The following TBC1D15 variants were observed in gnomAD, a reference collection of about 807,000 sequenced individuals.
The protein encoded by TBC1D15 is GAP for RAB7.
TBC1D15 carries 39 observed loss-of-function variants against 95.4 expected under a neutral mutation model. That is an observed-to-expected ratio of 0.41 (90% CI 0.32 to 0.53). The LOEUF (loss-of-function observed/expected upper bound fraction) is 0.53, where lower values mean the gene tolerates loss of function less well. Among genes scored for constraint, TBC1D15 ranks in the 20% least tolerant of loss-of-function variants. The pLI is 0.29. For missense variants in TBC1D15, 733 were observed against 794.3 expected, an observed-to-expected ratio of 0.92 and a Z score of 0.93; for synonymous variants, 258 against 261.3, an observed-to-expected ratio of 0.99 and a Z score of 0.12.
At chr12:71,856,400 G>A (rs556337640) in intron 1 of TBC1D15, among the ~76,000 whole-genome samples, 1 of 152,156 alleles carries the variant, frequency 6.6e-6, no homozygotes, top group African/African-American at 2.4e-5. Flanking sequence ...TGTTTTAGAT[G>A]CATGGTGCTG....
At chr12:71,917,620 T>A in intron 12 of TBC1D15, 78 bp from the exon 13 acceptor site, 1 of 963,302 alleles carries the variant, frequency 1.0e-6, no homozygotes, top group South Asian at 1.7e-5. Flanking sequence ...TCCTTAGACA[T>A]CATGTTTTAG....
At chr12:71,846,552 C>G (rs1886312825) in intron 1 of TBC1D15, among the ~76,000 whole-genome samples, 1 of 152,114 alleles carries the variant, frequency 6.6e-6, no homozygotes, top group Non-Finnish European at 1.5e-5. Flanking sequence ...AGTGGCAAGT[C>G]TTTGAATGCT....
Position 71,855,312 on chromosome 12 carries a change from C to T in TBC1D15, c.30+15501C>T, listed in dbSNP as rs79655873. Reference sequence around the variant, plus strand: ...GATTTGGGTGGGGATACAGTCAAACCGTATCATTTTGTGTTTATCACCAGT... The same window carrying T: ...GATTTGGGTGGGGATACAGTCAAACTGTATCATTTTGTGTTTATCACCAGT... On this transcript the variant is annotated intron_variant, in intron 1 of 16. Transcript: ENST00000485960. 6.7e-3 allele frequency among the ~76,000 whole-genome samples: 1,022 copies of T among 152,134 alleles called. 7 individuals are homozygous for T. Among genetic ancestry groups the T allele is most frequent in the African/African-American group, 0.017 (722 of 41,500 alleles).
chr12:71,900,326 C>G (rs1400078346), intron 10 of TBC1D15, among the ~76,000 whole-genome samples: 1 of 152,216 alleles, frequency 6.6e-6, no homozygotes, highest in Non-Finnish European at 1.5e-5. Context: ...TAAGAAGGCT[C>G]AGGAATCCCA....
intron 11 of TBC1D15, among the ~76,000 whole-genome samples, chr12:71,908,359 C>CT (rs1420417304): frequency 6.6e-6 from 1 of 152,150 alleles, no homozygotes; most frequent in Non-Finnish European, 1.5e-5. Context: ...AAATGTTTGA[C>CT]TTATCTGCTA....
At chr12:71,845,338 AAG>A (rs1215004739) in intron 1 of TBC1D15, among the ~76,000 whole-genome samples, 1 of 152,206 alleles carries the variant, frequency 6.6e-6, no homozygotes, top group East Asian at 1.9e-4. Flanking sequence ...AGATCAGAAG[AAG>A]AGAGATCAGA....
chr12:71,873,582 T>C (rs969877128), intron 3 of TBC1D15, among the ~76,000 whole-genome samples: 3 of 152,232 alleles, frequency 2.0e-5, no homozygotes, highest in Admixed American at 1.3e-4. Context: ...CTCTTGAGTA[T>C]ATACCTAGGA....
At chr12:71,884,692 T>G in intron 4 of TBC1D15, 119 bp from the exon 5 acceptor site, 1 of 735,130 alleles carries the variant, frequency 1.4e-6, no homozygotes, top group Non-Finnish European at 2.2e-6. Context: ...CATAATAATA[T>G]AAGTGCTATA....
At chr12:71,894,296 A>G (rs775202720) in intron 6 of TBC1D15, 2 of 1,608,240 alleles carry the variant, frequency 1.2e-6, no homozygotes, top group Admixed American at 1.7e-5. Context: ...GGTGGTACAC[A>G]CTTCAAGAAA....
intron 1 of TBC1D15, chr12:71,861,255 T>A: frequency 2.4e-6 from 1 of 410,426 alleles, no homozygotes; most frequent in Non-Finnish European, 4.3e-6. Flanking sequence ...CTCTTCAGTT[T>A]TCTGGAAGAG....
chr12:71,862,890 G>A lies in TBC1D15; in HGVS notation c.31-9180G>A, dbSNP rs185691137. Among the ~76,000 whole-genome samples, 3 of 152,184 alleles carry A rather than the reference G, an allele frequency of 2.0e-5. No homozygotes were observed. In the East Asian group the frequency reaches 5.8e-4, roughly 29 times the overall value. ...TTCCTTCCAGATATAGGACTCCTTT[G>A]AGCAGTTCTTATAAGGCCAGTCTAG... On this transcript the variant is annotated intron_variant, in intron 1 of 16. Coordinates refer to ENST00000485960, the MANE Select transcript of TBC1D15 (RefSeq NM_001146213.3).
At chr12:71,881,046 A>G (rs964492217) in intron 4 of TBC1D15, among the ~76,000 whole-genome samples, 3 of 152,110 alleles carry the variant, frequency 2.0e-5, no homozygotes, top group African/African-American at 7.2e-5. Flanking sequence ...TTGAGTGACT[A>G]TTCTCCTTTC....
intron 3 of TBC1D15, 47 bp from the exon 4 acceptor site, chr12:71,880,422 A>T: frequency 6.8e-7 from 1 of 1,477,600 alleles, no homozygotes; most frequent in South Asian, 1.3e-5. Flanking sequence ...GATTGAAATT[A>T]AATTTGTTTT....
In TBC1D15 at chr12:71,918,506, C is replaced by A. The variant is rs141790587; in HGVS notation, c.1557C>A (p.Phe519Leu). 2.7e-5 allele frequency: 43 copies of A among 1,608,596 alleles called. No individual in the cohort carries two copies. In the African/African-American group the frequency reaches 5.5e-4, roughly 21 times the overall value. ...YFCFRWLLIR[F>L]KREFSFLDIL... Reference sequence around the variant, plus strand: ...GCTTCAGGTGGCTTTTAATCAGATTCAAAAGGGAATTTAGTTTTCTAGATA... The same window carrying A: ...GCTTCAGGTGGCTTTTAATCAGATTAAAAAGGGAATTTAGTTTTCTAGATA... The change falls in exon 14 of 17, where the codon TTC becomes TTA. Residue 519 changes from phenylalanine (F) to leucine (L), a missense_variant. Physicochemically the swap from Phe to Leu is conservative, Grantham distance 22 (BLOSUM62 0). Transcript: ENST00000485960.
rs74954578 is a variant in TBC1D15, at chr12:71,899,282, A to G, written c.1183+1341A>G. 5.9e-5 allele frequency among the ~76,000 whole-genome samples: 9 copies of G among 152,298 alleles called. No individual in the cohort carries two copies. In the East Asian group the frequency reaches 1.4e-3, roughly 23 times the overall value. On this transcript the variant is annotated intron_variant, in intron 10 of 16. Transcript: ENST00000485960. ...TTAAAGTCCCCATAATGTAATTTGA[A>G]TTGAGACATACTGTAGCCTACTTTG...
intron 1 of TBC1D15, among the ~76,000 whole-genome samples, chr12:71,847,995 G>T (rs954502652): frequency 1.3e-5 from 2 of 152,084 alleles, no homozygotes; most frequent in Admixed American, 6.5e-5. Flanking sequence ...TACTCGGGAG[G>T]CTGAGACAGG....
At position 71,893,761 on chromosome 12, in the gene TBC1D15, T is replaced by TA. The variant is rs148783018; in HGVS notation, c.657+438dup. Among the ~76,000 whole-genome samples the TA allele has an allele frequency of 3.8e-4, 58 of 152,114 alleles. No homozygotes were observed. The East Asian group carries it at 6.6e-3, about 17-fold the overall frequency. On this transcript the variant is annotated intron_variant, in intron 6 of 16. Coordinates refer to ENST00000485960, the MANE Select transcript of TBC1D15 (RefSeq NM_001146213.3). ...CCTAAGAATATTTGAGTACTGTTCT[T>TA]ACATTTGGCTAAAAATGTGCACTTA...
At chr12:71,891,354 G>A (rs1346073678) in intron 5 of TBC1D15, among the ~76,000 whole-genome samples, 4 of 152,172 alleles carry the variant, frequency 2.6e-5, no homozygotes, top group Non-Finnish European at 5.9e-5. Flanking sequence ...TTAGCAGGCT[G>A]TAATAGAATT....
intron 8 of TBC1D15, 120 bp downstream of exon 8, chr12:71,896,195 G>A (rs2138717188): frequency 1.2e-6 from 1 of 857,292 alleles, no homozygotes; most frequent in Non-Finnish European, 1.7e-6. Context: ...TTTTTGGTGG[G>A]GGAAGTAGGG....
Sources: gnomAD v4.1 joint callset for allele counts (sites outside exome capture counted in the v4.1 genomes callset) on GRCh38, gnomAD v4.1.1 for gene constraint, MANE v1.5 for transcripts, NCBI Gene and HGNC (gene_info 2026-07-23, HGNC 2026-07-21) for gene names.